The following ADGRL3 variants were observed in gnomAD, a reference collection of about 807,000 sequenced individuals.
The protein encoded by ADGRL3 is adhesion G protein-coupled receptor L3.
ADGRL3 carries 62 observed loss-of-function variants against 153.5 expected under a neutral mutation model. The ratio of observed to expected loss-of-function variants is 0.40; its 90% CI spans 0.33 to 0.50. ADGRL3 has a LOEUF of 0.50. Ranked by LOEUF, ADGRL3 falls within the 20% of genes least tolerant of loss-of-function variation. ADGRL3 has a pLI of 0.47. For missense variants in ADGRL3, 1,641 were observed against 1,859.4 expected (o/e 0.88, Z 2.16); for synonymous variants, 710 against 672.5 (o/e 1.06, Z -0.86).
At chr4:61,870,456 G>T (rs2098437094) in intron 9 of ADGRL3, among the ~76,000 whole-genome samples, 1 of 152,048 alleles carries the variant, frequency 6.6e-6, no homozygotes, top group South Asian at 2.1e-4. Context: ...AGATAAATTG[G>T]ACTCCATCAA....
chr4:61,356,609 G>A (rs766573419), intron 1 of ADGRL3, among the ~76,000 whole-genome samples: 2 of 152,040 alleles, frequency 1.3e-5, no homozygotes, highest in Non-Finnish European at 2.9e-5. Flanking sequence ...ATTCCATGGA[G>A]TATTTGACAA....
At chr4:61,315,386 A>T (rs944765079) in intron 1 of ADGRL3, among the ~76,000 whole-genome samples, 7 of 152,200 alleles carry the variant, frequency 4.6e-5, no homozygotes, top group African/African-American at 1.7e-4. Context: ...CGAACTGCTT[A>T]TAGGAACAGA....
At chr4:61,897,136 G>T (rs2098636362) in intron 11 of ADGRL3, among the ~76,000 whole-genome samples, 1 of 152,064 alleles carries the variant, frequency 6.6e-6, no homozygotes, top group African/African-American at 2.4e-5. Context: ...TCAAAGACCA[G>T]ACAGCTGTTG....
At chr4:61,615,875 A>G (rs2091944290) in intron 5 of ADGRL3, among the ~76,000 whole-genome samples, 1 of 152,108 alleles carries the variant, frequency 6.6e-6, no homozygotes, top group African/African-American at 2.4e-5. Context: ...ATTAGATGAA[A>G]TCAAAGGCAG....
chr4:61,865,559 G>T (rs1233332887), intron 9 of ADGRL3, among the ~76,000 whole-genome samples: 1 of 152,086 alleles, frequency 6.6e-6, no homozygotes, highest in Non-Finnish European at 1.5e-5. Flanking sequence ...ATTACTTTTA[G>T]TCCTAAAATA....
At chr4:61,307,970 G>A (rs963513202) in intron 1 of ADGRL3, among the ~76,000 whole-genome samples, 1 of 152,136 alleles carries the variant, frequency 6.6e-6, no homozygotes, top group Non-Finnish European at 1.5e-5. Flanking sequence ...GCCTCACAAA[G>A]CAGCGTTTCC....
chr4:61,403,127 G>T (rs1237657055), intron 2 of ADGRL3, among the ~76,000 whole-genome samples: 1 of 151,988 alleles, frequency 6.6e-6, no homozygotes, highest in Admixed American at 6.6e-5. Flanking sequence ...CTGGGAAAAG[G>T]CTTCATCCTT....
chr4:61,495,422 G>A (rs1366834510), intron 2 of ADGRL3, among the ~76,000 whole-genome samples: 3 of 134,922 alleles, frequency 2.2e-5, no homozygotes, highest in Admixed American at 1.5e-4. Context: ...ACAAAAAAAA[G>A]AAAAGAAAGA....
chr4:61,765,908 G>A (rs2096972087), intron 8 of ADGRL3, among the ~76,000 whole-genome samples: 1 of 152,098 alleles, frequency 6.6e-6, no homozygotes. Flanking sequence ...ATGGAACACT[G>A]AGAAGTTATT....
chr4:61,365,528 C>G (rs947595131), intron 1 of ADGRL3, among the ~76,000 whole-genome samples: 2 of 152,184 alleles, frequency 1.3e-5, no homozygotes, highest in Non-Finnish European at 2.9e-5. Context: ...TTCAGGAGGC[C>G]TAGATATAGT....
intron 1 of ADGRL3, chr4:61,201,998 A>T (rs996158214): frequency 2.0e-5 from 3 of 152,652 alleles, no homozygotes; most frequent in Admixed American, 2.0e-4. Flanking sequence ...TTTTCCAGCC[A>T]TTGGGCGATT....
At chr4:61,264,045 A>G (rs1382899747) in intron 1 of ADGRL3, among the ~76,000 whole-genome samples, 1 of 151,988 alleles carries the variant, frequency 6.6e-6, no homozygotes, top group East Asian at 1.9e-4. Flanking sequence ...AAGTTTTCTT[A>G]ATAGTTCAAT....
At chr4:61,884,224 C>T (rs552744323) in intron 9 of ADGRL3, among the ~76,000 whole-genome samples, 4 of 152,274 alleles carry the variant, frequency 2.6e-5, no homozygotes, top group Admixed American at 1.3e-4. Flanking sequence ...AAACCTTTAT[C>T]GGTTCATCAG....
intron 1 of ADGRL3, among the ~76,000 whole-genome samples, chr4:61,290,291 G>A (rs899486570): frequency 5.3e-5 from 8 of 151,930 alleles, no homozygotes; most frequent in Non-Finnish European, 1.0e-4. Context: ...ATTGGACTTG[G>A]CATTCATATA....
At chr4:61,994,560 G>A (rs536300491) in intron 19 of ADGRL3, among the ~76,000 whole-genome samples, 6 of 151,914 alleles carry the variant, frequency 3.9e-5, no homozygotes, top group African/African-American at 1.4e-4. Context: ...TTATAGCAAA[G>A]TAAAGGAAGC....
At position 61,383,185 on chromosome 4, in the gene ADGRL3, T is replaced by A. The variant is rs1273871580; in HGVS notation, c.-178T>A. On this transcript the variant is annotated 5_prime_UTR_variant, in exon 2 of 27. Transcript: ENST00000683033. Reference sequence around the variant, plus strand: ...GGATTTTTAGCAATTGAAGAGCAAATTAAGGTAATTAGTAGATTATTATTG... The same window carrying A: ...GGATTTTTAGCAATTGAAGAGCAAAATAAGGTAATTAGTAGATTATTATTG... 1.3e-5 allele frequency: 2 copies of A among 151,662 alleles called. No homozygotes were observed. The highest frequency in any genetic ancestry group is 3.0e-5 in the Non-Finnish European group (2 of 67,734). The allele number at this position is 151,662 out of a possible 1,614,324, so 9.4% of individuals were successfully genotyped here.
intron 5 of ADGRL3, among the ~76,000 whole-genome samples, chr4:61,615,488 A>G (rs2091894288): frequency 6.6e-6 from 1 of 152,152 alleles, no homozygotes. Context: ...TGAATTTTGA[A>G]ATATGAATAG....
chr4:61,512,265 A>C (rs2098467387), intron 3 of ADGRL3, among the ~76,000 whole-genome samples: 2 of 152,180 alleles, frequency 1.3e-5, no homozygotes. Context: ...ATAATAGCTC[A>C]GTGAATACTC....
intron 1 of ADGRL3, among the ~76,000 whole-genome samples, chr4:61,307,865 C>G (rs1000992335): frequency 6.6e-5 from 10 of 152,136 alleles, no homozygotes; most frequent in African/African-American, 2.4e-4. Flanking sequence ...ATGAATTAAT[C>G]ATATTCTCCC....
Sources: gnomAD v4.1 joint callset for allele counts (sites outside exome capture counted in the v4.1 genomes callset) on GRCh38, gnomAD v4.1.1 for gene constraint, MANE v1.5 for transcripts, NCBI Gene and HGNC (gene_info 2026-07-23, HGNC 2026-07-21) for gene names.